The following VILL variants were observed in gnomAD, a reference collection of about 807,000 sequenced individuals.
VILL encodes the protein villin-like protein.
Under a neutral mutation model 106.3 loss-of-function variants are expected in VILL, and 102 were observed. That is an observed-to-expected ratio of 0.96 (90% CI 0.82 to 1.13). The LOEUF is 1.13. VILL is among the 50% of genes most tolerant of loss of function. The pLI is 0.00. For synonymous variants in VILL, 431 were observed against 440.3 expected (o/e 0.98, Z 0.27); for missense variants, 1,076 against 1,116.6 (o/e 0.96, Z 0.52).
intron 15 of VILL, 45 bp from the exon 16 acceptor site, chr3:38,004,210 G>T: frequency 1.9e-6 from 3 of 1,577,136 alleles, no homozygotes; most frequent in Non-Finnish European, 1.7e-6. Flanking sequence ...ATGGGCTGGG[G>T]TGCCCCTCTG....
rs1699773945 is a variant in VILL, at chr3:37,999,422, G to A, written c.1165G>A (p.Gly389Ser). 1.3e-6 allele frequency: 2 copies of A among 1,484,282 alleles called. No homozygotes were observed. The highest frequency in any genetic ancestry group is 2.6e-5 in the Admixed American group (1 of 38,414). 91.9% of individuals were successfully genotyped at this position (1,484,282 alleles called of 1,614,324 possible). ...GGCCCAGCTCAGGATGGTGGACGAC[G>A]GCTCTGGGAAGGTGGAGGTGAGGGG... ...LAAQLRMVDD[G>S]SGKVEVWCIQ... The change falls in exon 11 of 20, where the codon GGC becomes AGC. Residue 389 changes from glycine (G) to serine (S), a missense_variant. By Grantham distance (56) the Gly-to-Ser change is moderately conservative. Transcript: ENST00000383759.
intron 11 of VILL, among the ~76,000 whole-genome samples, chr3:38,000,180 C>A (rs1021282536): frequency 6.6e-6 from 1 of 152,282 alleles, no homozygotes; most frequent in East Asian, 1.9e-4. Context: ...TGGGCCTATG[C>A]GAGGGGTCCT....
Position 38,006,397 on chromosome 3 carries a change from T to G in VILL, c.2206-52T>G, listed in dbSNP as rs544015625. On this transcript the variant is annotated intron_variant, in intron 18 of 19. Transcript: ENST00000383759. ...GCCTGTGGGTTCAGTGCAGCCTCCC[T>G]GTGGGCTACTGATTCCCCATCTTCC... 8.0e-5 allele frequency: 126 copies of G among 1,580,364 alleles called. 1 individual carries two copies. In the South Asian group the frequency reaches 1.3e-3, roughly 16 times the overall value.
intron 10 of VILL, 41 bp from the exon 11 acceptor site, chr3:37,999,298 G>T (rs200529311): frequency 5.9e-5 from 84 of 1,423,770 alleles, no homozygotes; most frequent in East Asian, 3.6e-4. Context: ...GTGTTGGGGG[G>T]GGGCAGAGGG....
chr3:38,004,416 T>G lies in VILL; in HGVS notation c.1950+17T>G, dbSNP rs1699877496. ...TGGCAGGAGGTAAGGTGGCCATCCC[T>G]GCCTGGTGGGGCTGTGAACGGGGGT... On this transcript the variant is annotated intron_variant, in intron 16 of 19. Transcript: ENST00000383759. 1.9e-6 allele frequency: 3 copies of G among 1,598,888 alleles called. No individual in the cohort carries two copies. The South Asian group carries it at 3.3e-5, about 18-fold the overall frequency.
chr3:37,995,623 A>C, intron 4 of VILL, 116 bp from the exon 5 acceptor site: 3 of 778,698 alleles, frequency 3.9e-6, no homozygotes, highest in Non-Finnish European at 6.5e-6. Flanking sequence ...ACTCCAGTGC[A>C]TGTATGAAGC....
intron 1 of VILL, among the ~76,000 whole-genome samples, chr3:37,991,833 GC>G: frequency 6.6e-6 from 1 of 151,884 alleles, no homozygotes; most frequent in Non-Finnish European, 1.5e-5. Context: ...GGGCAGGAGG[GC>G]TTGGGAGGCT....
intron 1 of VILL, among the ~76,000 whole-genome samples, chr3:37,991,411 G>T (rs905922818): frequency 6.6e-6 from 1 of 150,800 alleles, no homozygotes; most frequent in Non-Finnish European, 1.5e-5. Flanking sequence ...AGAGGGAGGG[G>T]TGTAGGGGAA....
chr3:38,002,206 C>T (rs1699831111), intron 13 of VILL, 190 bp from the exon 14 acceptor site: 7 of 644,158 alleles, frequency 1.1e-5, no homozygotes, highest in Non-Finnish European at 1.6e-5. Context: ...AGGGTCTGTC[C>T]CTGTCCCAGA....
intron 17 of VILL, 47 bp downstream of exon 17, chr3:38,006,021 A>G (rs1217653743): frequency 6.3e-7 from 1 of 1,592,480 alleles, no homozygotes; most frequent in African/African-American, 1.3e-5. Context: ...TTGTGGGGAG[A>G]GGAACCTGAC....
chr3:38,002,332 C>A, intron 13 of VILL, 64 bp from the exon 14 acceptor site: 1 of 1,495,748 alleles, frequency 6.7e-7, no homozygotes. Flanking sequence ...CAATATGTCC[C>A]ACACTGGGAC....
At position 37,997,460 on chromosome 3, in the gene VILL, G is replaced by T; in HGVS notation, c.562-23G>T. 6.2e-7 allele frequency: 1 copy of T among 1,611,258 alleles called. No individual in the cohort carries two copies. The highest frequency in any genetic ancestry group is 1.3e-5 in the African/African-American group (1 of 75,032). ...TGAGAGGGCACACTGGTGACACCCT[G>T]ACTCCCAGGTCCTCTCCCGCAGGGG... On this transcript the variant is annotated intron_variant, in intron 6 of 19. Coordinates refer to ENST00000383759, the MANE Select transcript of VILL (RefSeq NM_015873.4). This position sits in a 1 kb window ranked among gnomAD's most constrained non-coding sequence, Gnocchi z 4.7.
At chr3:38,005,338 G>A (rs1018773255) in intron 16 of VILL, among the ~76,000 whole-genome samples, 5 of 152,054 alleles carry the variant, frequency 3.3e-5, no homozygotes, top group Admixed American at 6.5e-5. Context: ...TGAACATGCC[G>A]GGCACACGGC....
At chr3:38,006,073 T>C in intron 17 of VILL, 99 bp downstream of exon 17, 1 of 1,594,064 alleles carries the variant, frequency 6.3e-7, no homozygotes, top group Non-Finnish European at 8.6e-7. Flanking sequence ...GGCTGGGGAT[T>C]GCCAGTGTGT....
chr3:37,993,758 G>A, intron 2 of VILL, 26 bp downstream of exon 2: 1 of 1,613,132 alleles, frequency 6.2e-7, no homozygotes, highest in South Asian at 1.1e-5. Flanking sequence ...AAATAGGAGA[G>A]TTGGTGACAT....
intron 1 of VILL, chr3:37,993,359 G>A: frequency 2.9e-6 from 1 of 347,866 alleles, no homozygotes; most frequent in Non-Finnish European, 5.3e-6. Flanking sequence ...GGTGGAGGTT[G>A]CAGTGAAGTG....
chr3:37,995,735 T>G lies in VILL; in HGVS notation c.342-4T>G. ...TATATACCCTCCTGCTATTCCCACC[T>G]CAGCTACAGGAAGGGAGGCCTAGCA... On this transcript the variant is annotated splice_polypyrimidine_tract_variant and splice_region_variant and intron_variant, in intron 4 of 19. Coordinates refer to ENST00000383759, the MANE Select transcript of VILL (RefSeq NM_015873.4). The G allele has an allele frequency of 6.2e-7, 1 of 1,612,510 alleles. No individual in the cohort carries two copies. The highest frequency in any genetic ancestry group is 8.5e-7 in the Non-Finnish European group (1 of 1,178,766).
At position 37,998,299 on chromosome 3, in the gene VILL, A is replaced by C; in HGVS notation, c.877A>C (p.Ile293Leu). ...CATCCTGGACCAGGGTGGCTTCAAG[A>C]TCTATGTGTGGCAGGGACGCATGTC... ...FYILDQGGFK[I>L]YVWQGRMSSL... The change falls in exon 9 of 20, where the codon ATC becomes CTC. Residue 293 changes from isoleucine (I) to leucine (L), a missense_variant. Coordinates refer to ENST00000383759, the MANE Select transcript of VILL (RefSeq NM_015873.4). The surrounding 1 kb of genome is among the most constrained non-coding windows in gnomAD (Gnocchi z 4.1). The C allele has an allele frequency of 6.2e-7, 1 of 1,614,052 alleles. No homozygotes were observed. The highest frequency in any genetic ancestry group is 1.3e-5 in the African/African-American group (1 of 75,018).
intron 13 of VILL, 163 bp downstream of exon 13, chr3:38,002,023 C>A (rs1699827436): frequency 8.5e-7 from 1 of 1,179,348 alleles, no homozygotes; most frequent in Non-Finnish European, 1.2e-6. Context: ...GGTTGGCCCC[C>A]TGCCTGAGTT....
Sources: allele counts gnomAD v4.1 joint callset (sites outside exome capture counted in the v4.1 genomes callset), GRCh38; gene constraint gnomAD v4.1.1; non-coding constraint Gnocchi (gnomAD v3.1); transcripts MANE v1.5; gene names NCBI Gene and HGNC (gene_info 2026-07-23, HGNC 2026-07-21).